Variants in C10orf90 observed in about 807,000 individuals in gnomAD.
C10orf90 encodes the protein (E2-independent) E3 ubiquitin-conjugating enzyme FATS.
C10orf90 carries 56 observed loss-of-function variants against 62.5 expected under a neutral mutation model. That is an observed-to-expected ratio of 0.90 (90% confidence interval 0.72 to 1.12). The LOEUF (loss-of-function observed/expected upper bound fraction) is 1.12. Ranked by LOEUF, C10orf90 falls within the 50% of genes most tolerant of loss-of-function variation. The probability of loss-of-function intolerance (pLI) is 0.00; values close to 1 mark genes in which losing one functional copy is unlikely to be tolerated. For synonymous variants in C10orf90, 386 were observed against 340.4 expected (o/e 1.13, Z -1.47); for missense variants, 970 against 880.4 (o/e 1.10, Z -1.29).
chr10:126,587,155 C>T (rs191584203), intron 2 of C10orf90, among the ~76,000 whole-genome samples: 1 of 152,248 alleles, frequency 6.6e-6, no homozygotes, highest in East Asian at 1.9e-4. Context: ...ACAGGGACAT[C>T]CAGAGGCCTT....
intron 2 of C10orf90, among the ~76,000 whole-genome samples, chr10:126,555,053 C>A (rs927285878): frequency 6.6e-6 from 1 of 152,166 alleles, no homozygotes; most frequent in African/African-American, 2.4e-5. Context: ...GCGGTCCACA[C>A]AAAAGGAGTA....
At chr10:126,490,035 AATAT>A (rs1350933389) in intron 4 of C10orf90, among the ~76,000 whole-genome samples, 16 of 112,974 alleles carry the variant, frequency 1.4e-4, no homozygotes, top group Non-Finnish European at 2.1e-4. Context: ...TATAATATAT[AATAT>A]ATATTATATA....
At chr10:126,503,387 G>C (rs910297056) in intron 4 of C10orf90, among the ~76,000 whole-genome samples, 2 of 152,188 alleles carry the variant, frequency 1.3e-5, no homozygotes, top group Non-Finnish European at 2.9e-5. Context: ...ATTTGGCACA[G>C]AGAGTCCCTG....
intron 3 of C10orf90, among the ~76,000 whole-genome samples, chr10:126,506,920 G>A (rs1205936082): frequency 4.0e-5 from 2 of 50,252 alleles, no homozygotes; most frequent in Non-Finnish European, 6.7e-5. Context: ...AGGAGGGCCA[G>A]TGTGTGTGTG....
chr10:126,571,882 C>T (rs2134004571), intron 2 of C10orf90, among the ~76,000 whole-genome samples: 1 of 152,290 alleles, frequency 6.6e-6, no homozygotes, highest in East Asian at 1.9e-4. Context: ...GTAGTCAGGC[C>T]TTATACACTT....
chr10:126,459,149 GT>G lies in C10orf90; in HGVS notation c.2078del (p.His693ProfsTer14), dbSNP rs761902944. 6.2e-7 allele frequency: 1 copy of G among 1,614,196 alleles called. No homozygotes were observed. The highest frequency in any genetic ancestry group is 1.1e-5 in the South Asian group (1 of 91,090). On this transcript the variant is annotated frameshift_variant, in exon 7 of 10. Transcript: ENST00000488181. LOFTEE classifies it high-confidence loss of function. ...RSQERLKKLE[H>X]MVQQRKAQRK... is the part of the protein sequence containing the mutation. ...GCTGGGCTTTCCTCTGCTGGACCAT[GT>G]GTTCAAGCTTCTTCAGCCGTTCTTG...
intron 4 of C10orf90, among the ~76,000 whole-genome samples, chr10:126,471,367 T>C (rs557596305): frequency 6.6e-6 from 1 of 152,360 alleles, no homozygotes; most frequent in South Asian, 2.1e-4. Context: ...AGATTTCTTC[T>C]GCTATAAACG....
intron 2 of C10orf90, among the ~76,000 whole-genome samples, chr10:126,532,862 G>GAAAAAAAAAA (rs1564860259): frequency 4.5e-5 from 1 of 22,140 alleles, no homozygotes; most frequent in Non-Finnish European, 1.3e-4. Flanking sequence ...AAAAAATAGT[G>GAAAAAAAAAA]AGCACAAAAC....
At chr10:126,519,602 C>T (rs1254530931) in intron 2 of C10orf90, among the ~76,000 whole-genome samples, 1 of 152,192 alleles carries the variant, frequency 6.6e-6, no homozygotes, top group Non-Finnish European at 1.5e-5. Context: ...TCTGAATTTT[C>T]ACCATCCTTT....
intron 7 of C10orf90, among the ~76,000 whole-genome samples, chr10:126,437,849 G>C (rs529909883): frequency 8.5e-5 from 13 of 152,260 alleles, no homozygotes; most frequent in African/African-American, 2.9e-4. Flanking sequence ...TGAAGCAGCT[G>C]CATGTGAAGG....
At chr10:126,515,656 C>A (rs11816961) in intron 2 of C10orf90, among the ~76,000 whole-genome samples, 1 of 152,076 alleles carries the variant, frequency 6.6e-6, no homozygotes, top group African/African-American at 2.4e-5. Flanking sequence ...AGAACATATC[C>A]CCATCCTGAA....
intron 2 of C10orf90, chr10:126,520,476 G>A (rs376241947): frequency 1.3e-5 from 2 of 152,322 alleles, no homozygotes; most frequent in African/African-American, 4.8e-5. Context: ...TGATGACCGT[G>A]AGTGCTGCCT....
chr10:126,638,650 G>T (rs946546486), intron 2 of C10orf90, among the ~76,000 whole-genome samples: 1 of 152,116 alleles, frequency 6.6e-6, no homozygotes, highest in African/African-American at 2.4e-5. Flanking sequence ...GAGGGCCTTG[G>T]ATGGCCTATC....
rs578046829 is a variant in C10orf90, at chr10:126,429,734, A to G, written c.2252+53T>C. The G allele has an allele frequency of 3.9e-6, 6 of 1,527,632 alleles. No individual in the cohort carries two copies. In the East Asian group the frequency reaches 6.8e-5, roughly 17 times the overall value. 94.6% of individuals were successfully genotyped at this position (1,527,632 alleles called of 1,614,324 possible). A position where few individuals can be genotyped will look rare whatever the true frequency, so the allele number is the denominator to read the frequency against. On this transcript the variant is annotated intron_variant, in intron 8 of 9. Transcript: ENST00000488181. Reference sequence around the variant, plus strand: ...ATTGGAGGGCACCTGAAGCCATCAAACCACCCTACTCCCCCCACCAACTTC... The same window carrying G: ...ATTGGAGGGCACCTGAAGCCATCAAGCCACCCTACTCCCCCCACCAACTTC...
At position 126,642,398 on chromosome 10, in the gene C10orf90, G is replaced by A. The variant is rs373106755; in HGVS notation, c.313+4167C>T. ...ATACAAAAAATTAGCCGGGCGTGGT[G>A]GCGGGCGCCTGTAGTCCCAGCTACT... On this transcript the variant is annotated intron_variant, in intron 2 of 9. Coordinates refer to ENST00000488181, the MANE Select transcript of C10orf90 (RefSeq NM_001350921.2). Among the ~76,000 whole-genome samples, 13 of 152,216 alleles carry A rather than the reference G, an allele frequency of 8.5e-5. 1 individual carries two copies. The highest frequency in any genetic ancestry group is 2.4e-4 in the African/African-American group (10 of 41,522).
At chr10:126,661,228 G>A (rs1045647434) in intron 1 of C10orf90, among the ~76,000 whole-genome samples, 1 of 152,128 alleles carries the variant, frequency 6.6e-6, no homozygotes, top group African/African-American at 2.4e-5. Flanking sequence ...GTTGGAGATG[G>A]CAGGAAAACA....
chr10:126,498,828 C>A (rs1862222720), intron 4 of C10orf90, among the ~76,000 whole-genome samples: 1 of 152,208 alleles, frequency 6.6e-6, no homozygotes, highest in Admixed American at 6.5e-5. Context: ...CCCTGAGTGG[C>A]TGGCAGAGGC....
chr10:126,638,151 C>A (rs1476125944), intron 2 of C10orf90, among the ~76,000 whole-genome samples: 1 of 152,154 alleles, frequency 6.6e-6, no homozygotes, highest in Non-Finnish European at 1.5e-5. Flanking sequence ...ACTGGGCCCC[C>A]CTGCCTCCCT....
At chr10:126,605,281 A>T (rs1435651170) in intron 2 of C10orf90, among the ~76,000 whole-genome samples, 1 of 150,840 alleles carries the variant, frequency 6.6e-6, no homozygotes, top group Non-Finnish European at 1.5e-5. Context: ...GCAGGAAGGG[A>T]TTTCTCTGAC....
Sources: gnomAD v4.1 joint callset for allele counts (sites outside exome capture counted in the v4.1 genomes callset) on GRCh38, gnomAD v4.1.1 for gene constraint, MANE v1.5 for transcripts, NCBI Gene and HGNC (gene_info 2026-07-23, HGNC 2026-07-21) for gene names.